GRIK4: variants seen among roughly 807,000 people sequenced by gnomAD.
GRIK4 encodes the protein glutamate receptor ionotropic, kainate 4.
Under a neutral mutation model 104.9 loss-of-function variants are expected in GRIK4, and 40 were observed. The ratio of observed to expected loss-of-function variants is 0.38; its 90% CI spans 0.30 to 0.50. GRIK4 has a LOEUF of 0.50. Ranked by LOEUF, GRIK4 falls within the 20% of genes least tolerant of loss-of-function variation. GRIK4 has a pLI of 0.93. For missense variants in GRIK4, 1,047 were observed against 1,308.1 expected (o/e 0.80, Z 3.08); for synonymous variants, 485 against 524.9 (o/e 0.92, Z 1.04).
intron 1 of GRIK4, among the ~76,000 whole-genome samples, chr11:120,571,035 C>T (rs746272224): frequency 3.9e-5 from 6 of 152,174 alleles, no homozygotes; most frequent in Admixed American, 2.6e-4. Context: ...TCCAGGTGAT[C>T]AGTCAGCCCC....
At chr11:120,661,816 A>G (rs1198690076) in intron 3 of GRIK4, among the ~76,000 whole-genome samples, 1 of 151,984 alleles carries the variant, frequency 6.6e-6, no homozygotes. Context: ...CCCTCGACAC[A>G]CTGCTCTGCA....
chr11:120,751,609 G>A (rs890298682), intron 3 of GRIK4, among the ~76,000 whole-genome samples: 6 of 152,162 alleles, frequency 3.9e-5, no homozygotes, highest in Non-Finnish European at 5.9e-5. Flanking sequence ...CCAGGTTCTG[G>A]AGGAAGCAGA....
intron 7 of GRIK4, among the ~76,000 whole-genome samples, chr11:120,834,826 C>G (rs1250712579): frequency 6.6e-6 from 1 of 152,244 alleles, no homozygotes; most frequent in Non-Finnish European, 1.5e-5. Context: ...TCTTTTATCT[C>G]TAGGACAGCA....
chr11:120,664,298 G>A (rs1282862453), intron 3 of GRIK4, among the ~76,000 whole-genome samples: 1 of 152,166 alleles, frequency 6.6e-6, no homozygotes, highest in Non-Finnish European at 1.5e-5. Context: ...GATCCTGGTT[G>A]GGTTCTAATG....
chr11:120,549,223 CAAG>C lies in GRIK4; in HGVS notation c.-159+37337_-159+37339del, dbSNP rs1948115792. Among the ~76,000 whole-genome samples, 1 of 152,048 alleles carries C rather than the reference CAAG, an allele frequency of 6.6e-6. No individual in the cohort carries two copies. The highest frequency in any genetic ancestry group is 1.5e-5 in the Non-Finnish European group (1 of 67,980). ...AAGCAATTCTACTGCCTCAGCCTCC[CAAG>C]TAGCTGGGATTACAGGCACACGCCA... On this transcript the variant is annotated intron_variant, in intron 1 of 20. Transcript: ENST00000527524. The surrounding 1 kb of genome is among the most constrained non-coding windows in gnomAD (Gnocchi z 4.7).
At chr11:120,809,601 A>AATT (rs755029723) in intron 4 of GRIK4, among the ~76,000 whole-genome samples, 10 of 152,212 alleles carry the variant, frequency 6.6e-5, no homozygotes, top group Non-Finnish European at 1.0e-4. Context: ...TTTAATGAGC[A>AATT]ATTTCTTTTT....
chr11:120,614,530 G>A (rs1343018154), intron 1 of GRIK4, among the ~76,000 whole-genome samples: 3 of 152,192 alleles, frequency 2.0e-5, no homozygotes, highest in African/African-American at 4.8e-5. Flanking sequence ...TGGCCCCACA[G>A]CTGCTCCTGG....
At chr11:120,959,466 T>C (rs1944240414) in intron 16 of GRIK4, among the ~76,000 whole-genome samples, 1 of 152,234 alleles carries the variant, frequency 6.6e-6, no homozygotes, top group South Asian at 2.1e-4. Context: ...CACTATGCAT[T>C]CATCGTCAGT....
intron 1 of GRIK4, among the ~76,000 whole-genome samples, chr11:120,640,888 T>C (rs1307254553): frequency 6.6e-6 from 1 of 152,164 alleles, no homozygotes; most frequent in Non-Finnish European, 1.5e-5. Context: ...TTTTTTGTAT[T>C]TTTAGTGGAG....
Position 120,788,929 on chromosome 11 carries a change from C to A in GRIK4, c.83-13764C>A, listed in dbSNP as rs575109233. On this transcript the variant is annotated intron_variant, in intron 3 of 20. Transcript: ENST00000527524. ...CTGGAAGGGCTCTTGCTGAAGTCCC[C>A]GGTGACCTCCTACTTGCCCAGCCCT... 2.0e-5 allele frequency among the ~76,000 whole-genome samples: 3 copies of A among 152,146 alleles called. No individual in the cohort carries two copies. In the East Asian group the frequency reaches 5.8e-4, roughly 29 times the overall value.
chr11:120,784,553 A>G (rs1591909501), intron 3 of GRIK4, among the ~76,000 whole-genome samples: 1 of 152,100 alleles, frequency 6.6e-6, no homozygotes, highest in Non-Finnish European at 1.5e-5. Flanking sequence ...CATGATGCTC[A>G]TTTATTCACA....
At position 120,709,915 on chromosome 11, in the gene GRIK4, C is replaced by T. The variant is rs79019042; in HGVS notation, c.82+49515C>T. ...GTTCTGTCTGTATTTTCCCACCTGC[C>T]ACATTAATACATCACTGTCTGCATC... is the stretch of plus-strand genomic sequence containing the variant. On this transcript the variant is annotated intron_variant, in intron 3 of 20. Transcript: ENST00000527524. Among the ~76,000 whole-genome samples, 8 of 152,298 alleles carry T rather than the reference C, an allele frequency of 5.3e-5. No individual in the cohort carries two copies. The East Asian group carries it at 7.7e-4, about 15-fold the overall frequency.
chr11:120,660,753 T>G, intron 3 of GRIK4, among the ~76,000 whole-genome samples: 1 of 152,004 alleles, frequency 6.6e-6, no homozygotes, highest in East Asian at 1.9e-4. Flanking sequence ...GGAGAAGAGG[T>G]CCCTTCTTTC....
intron 3 of GRIK4, among the ~76,000 whole-genome samples, chr11:120,751,150 A>C (rs1951543348): frequency 6.6e-6 from 1 of 151,772 alleles, no homozygotes; most frequent in African/African-American, 2.4e-5. Context: ...AGGCTTGCTC[A>C]CCACCCAGAC....
At chr11:120,528,315 G>A (rs1947882771) in intron 1 of GRIK4, among the ~76,000 whole-genome samples, 1 of 152,204 alleles carries the variant, frequency 6.6e-6, no homozygotes, top group East Asian at 1.9e-4. Flanking sequence ...GTTTCACAGT[G>A]TTAGCCAGGA....
intron 1 of GRIK4, among the ~76,000 whole-genome samples, chr11:120,622,239 A>G (rs1400089432): frequency 6.6e-6 from 1 of 152,120 alleles, no homozygotes; most frequent in African/African-American, 2.4e-5. Context: ...TGCAACCACC[A>G]CCAACACTGG....
chr11:120,986,458 C>T lies in GRIK4; in HGVS notation c.*198C>T, dbSNP rs1944756281. 2.8e-6 allele frequency: 2 copies of T among 717,028 alleles called. No homozygotes were observed. Among genetic ancestry groups the T allele is most frequent in the African/African-American group, 1.9e-5 (1 of 52,528 alleles). The allele number at this position is 717,028 out of a possible 1,614,324, so 44.4% of individuals were successfully genotyped here. A position where few individuals can be genotyped will look rare whatever the true frequency, so the allele number is the denominator to read the frequency against. On this transcript the variant is annotated 3_prime_UTR_variant, in exon 21 of 21. Coordinates refer to ENST00000527524, the MANE Select transcript of GRIK4 (RefSeq NM_014619.5). ...GCCCGGTCAGGGAGCAGGGTCCACC[C>T]GGAAACGTTGCACCCAAAGGGCAAA...
chr11:120,848,395 A>G (rs1040094639), intron 8 of GRIK4, among the ~76,000 whole-genome samples: 1 of 152,182 alleles, frequency 6.6e-6, no homozygotes, highest in African/African-American at 2.4e-5. Context: ...GCTCTGGTTC[A>G]GGGGGCATTT....
At chr11:120,565,361 C>G (rs1249940659) in intron 1 of GRIK4, among the ~76,000 whole-genome samples, 1 of 152,242 alleles carries the variant, frequency 6.6e-6, no homozygotes, top group Non-Finnish European at 1.5e-5. Context: ...GCTGCTGCAT[C>G]CTCTCCTCCT....
Sources: gnomAD v4.1 joint callset for allele counts (sites outside exome capture counted in the v4.1 genomes callset) on GRCh38, gnomAD v4.1.1 for gene constraint, Gnocchi (gnomAD v3.1) non-coding constraint, MANE v1.5 for transcripts, NCBI Gene and HGNC (gene_info 2026-07-23, HGNC 2026-07-21) for gene names.